CCDC73: variants seen among roughly 807,000 people sequenced by gnomAD.
CCDC73 encodes coiled-coil domain-containing protein 73.
Under a neutral mutation model 116.5 loss-of-function variants are expected in CCDC73, and 95 were observed. The ratio of observed to expected loss-of-function variants is 0.82; its 90% CI spans 0.69 to 0.97. The LOEUF (loss-of-function observed/expected upper bound fraction) is 0.97, where lower values mean the gene tolerates loss of function less well. Ranked by LOEUF, CCDC73 falls within the 50% of genes least tolerant of loss-of-function variation. CCDC73 has a pLI of 0.00. For synonymous variants in CCDC73, 398 were observed against 401.3 expected (o/e 0.99, Z 0.10); for missense variants, 1,066 against 1,206.8 (o/e 0.88, Z 1.73).
intron 2 of CCDC73, among the ~76,000 whole-genome samples, chr11:32,726,751 G>T (rs527713635): frequency 1.6e-3 from 242 of 152,080 alleles, no homozygotes; most frequent in Non-Finnish European, 2.8e-3. Flanking sequence ...TATATTATGT[G>T]ATACAATAGA....
chr11:32,692,602 A>C (rs1476436741), intron 6 of CCDC73, among the ~76,000 whole-genome samples: 1 of 152,150 alleles, frequency 6.6e-6, no homozygotes, highest in East Asian at 1.9e-4. Context: ...CATTACTCCC[A>C]ATCTGGGTTT....
chr11:32,655,104 T>TACTTCCCC, intron 9 of CCDC73, 132 bp from the exon 10 acceptor site: 1 of 719,156 alleles, frequency 1.4e-6, no homozygotes, highest in Non-Finnish European at 2.1e-6. Context: ...GCAAGTTCCC[T>TACTTCCCC]TGCAAGATTA....
intron 14 of CCDC73, among the ~76,000 whole-genome samples, chr11:32,619,464 A>G (rs1855503066): frequency 6.6e-6 from 1 of 152,202 alleles, no homozygotes; most frequent in Non-Finnish European, 1.5e-5. Flanking sequence ...TGAGGCCAGG[A>G]GTTTGAGACC....
At chr11:32,781,183 A>G (rs867172316) in intron 1 of CCDC73, among the ~76,000 whole-genome samples, 1 of 152,222 alleles carries the variant, frequency 6.6e-6, no homozygotes, top group African/African-American at 2.4e-5. Flanking sequence ...TTATGTTAAC[A>G]CTTTGTTAGA....
intron 1 of CCDC73, among the ~76,000 whole-genome samples, chr11:32,763,327 C>T (rs541395426): frequency 2.8e-4 from 43 of 152,224 alleles, no homozygotes; most frequent in Non-Finnish European, 5.7e-4. Context: ...CCCTGAGTAG[C>T]CTAACTGGGA....
the CCDC73 span, among the ~76,000 whole-genome samples, chr11:32,828,290 C>T: frequency 6.6e-6 from 1 of 152,006 alleles, no homozygotes; most frequent in Non-Finnish European, 1.5e-5. Context: ...AGGTGGATCA[C>T]CTGAGGTCAG....
the CCDC73 span, among the ~76,000 whole-genome samples, chr11:32,809,344 C>A: frequency 6.6e-6 from 1 of 152,126 alleles, no homozygotes; most frequent in East Asian, 1.9e-4. Flanking sequence ...ATGGCAGAAG[C>A]TAAAGGAGCC....
chr11:32,811,734 A>G, the CCDC73 span, among the ~76,000 whole-genome samples: 2 of 152,100 alleles, frequency 1.3e-5, no homozygotes, highest in Non-Finnish European at 2.9e-5. Flanking sequence ...CAGATCTCAC[A>G]TGAAAACATA....
At chr11:32,678,039 G>A (rs1442342363) in intron 7 of CCDC73, among the ~76,000 whole-genome samples, 1 of 151,376 alleles carries the variant, frequency 6.6e-6, no homozygotes, top group African/African-American at 2.4e-5. Flanking sequence ...AGCACTTTGG[G>A]AGGTGGAGGC....
At chr11:32,703,129 C>T (rs908774585) in intron 3 of CCDC73, among the ~76,000 whole-genome samples, 185 bp from the exon 4 acceptor site, 5 of 152,128 alleles carry the variant, frequency 3.3e-5, no homozygotes, top group African/African-American at 1.2e-4. Context: ...CTCTGTTGCC[C>T]AGGCTGGAAT....
intron 3 of CCDC73, among the ~76,000 whole-genome samples, chr11:32,712,489 C>T (rs1849908554): frequency 6.6e-6 from 1 of 151,924 alleles, no homozygotes; most frequent in South Asian, 2.1e-4. Flanking sequence ...CATTCCACAA[C>T]ATATACATAC....
intron 2 of CCDC73, among the ~76,000 whole-genome samples, chr11:32,750,759 A>G (rs1850281243): frequency 6.6e-6 from 1 of 152,110 alleles, no homozygotes; most frequent in Non-Finnish European, 1.5e-5. Flanking sequence ...CCATGAGCCA[A>G]TGCCTGGAAT....
chr11:32,755,799 GTGTATATATATATCTCCATATATA>G (rs1850334434), intron 2 of CCDC73, among the ~76,000 whole-genome samples: 1 of 124,980 alleles, frequency 8.0e-6, no homozygotes, highest in Non-Finnish European at 1.6e-5. Context: ...CTCCATATAT[GTGTATATATATATCTCCATATATA>G]TGTGTGTGTA....
In CCDC73 at chr11:32,737,931, G is replaced by A. The variant is rs570698942; in HGVS notation, c.136-19784C>T. 3.3e-5 allele frequency among the ~76,000 whole-genome samples: 5 copies of A among 152,112 alleles called. No individual in the cohort carries two copies. The South Asian group carries it at 1.0e-3, about 32-fold the overall frequency. On this transcript the variant is annotated intron_variant, in intron 2 of 17. Coordinates refer to ENST00000335185, the MANE Select transcript of CCDC73 (RefSeq NM_001008391.4). ...TTTAATTTTTACCTCCCACGAATAA[G>A]TGAGGACATGCAAAGTTTATCTTTC...
intron 9 of CCDC73, among the ~76,000 whole-genome samples, chr11:32,666,073 C>T (rs1483910733): frequency 2.6e-5 from 4 of 152,182 alleles, no homozygotes; most frequent in Non-Finnish European, 4.4e-5. Context: ...CCTGATGTTT[C>T]TCTCTGGCTG....
chr11:32,708,529 C>A (rs765756453), intron 3 of CCDC73, among the ~76,000 whole-genome samples: 13 of 152,130 alleles, frequency 8.5e-5, no homozygotes, highest in Non-Finnish European at 1.6e-4. Context: ...TTCTAGTTAT[C>A]CATGAGCATG....
chr11:32,679,305 A>C (rs1232124100), intron 7 of CCDC73, among the ~76,000 whole-genome samples: 1 of 152,152 alleles, frequency 6.6e-6, no homozygotes, highest in African/African-American at 2.4e-5. Context: ...CTAGAAACCT[A>C]ACACAATTTC....
rs746231587 is a variant in CCDC73 at position 32,702,876 on chromosome 11, C to G, written c.276G>C (p.Lys92Asn). Residue 92 changes from lysine (K) to asparagine (N), a missense_variant, in exon 4 of 18, where the codon AAG (lysine) becomes AAC (asparagine). Physicochemically the swap from Lys to Asn is moderately conservative, Grantham distance 94 (BLOSUM62 0). Transcript: ENST00000335185. ...QHKEAMAVFKKQLQMKMCALE... is the reference protein window; with the variant it reads ...QHKEAMAVFKNQLQMKMCALE... ...TTGTCTATCCTTATGAAATTACCTG[C>G]TTTTTAAAAACTGCCATTGCTTCCT... 20 of 1,604,936 alleles carry G rather than the reference C, an allele frequency of 1.2e-5. 1 individual carries two copies. Among genetic ancestry groups the G allele is most frequent in the Middle Eastern group, 3.3e-4 (2 of 6,058 alleles).
intron 7 of CCDC73, chr11:32,683,326 G>C (rs1433570057): frequency 3.7e-6 from 2 of 540,336 alleles, no homozygotes; most frequent in South Asian, 1.9e-5. Flanking sequence ...ACCTGTATAA[G>C]TACTATGTAA....
Sources: gnomAD v4.1 joint callset for allele counts (sites outside exome capture counted in the v4.1 genomes callset) on GRCh38, gnomAD v4.1.1 for gene constraint, MANE v1.5 for transcripts, NCBI Gene and HGNC (gene_info 2026-07-23, HGNC 2026-07-21) for gene names.